The following DNAH11 variants were observed in gnomAD, a reference collection of about 807,000 sequenced individuals.
The protein encoded by DNAH11 is axonemal beta dynein heavy chain 11.
DNAH11 carries 442 observed loss-of-function variants against 526.0 expected under a neutral mutation model. The observed-to-expected ratio is 0.84, with a 90% CI of 0.78 to 0.91. The LOEUF (loss-of-function observed/expected upper bound fraction) is 0.91, where lower values mean the gene tolerates loss of function less well. DNAH11 is among the 40% of genes least tolerant of loss of function. The pLI is 0.00. For synonymous variants in DNAH11, 2,461 were observed against 1,935.9 expected, an observed-to-expected ratio of 1.27 and a Z score of -7.12; for missense variants, 6,989 against 5,448.7, an observed-to-expected ratio of 1.28 and a Z score of -8.90.
chr7:21,642,674 T>C lies in DNAH11; in HGVS notation c.4944+3609T>C, dbSNP rs143018107. 1.9e-3 allele frequency among the ~76,000 whole-genome samples: 294 copies of C among 152,256 alleles called. 1 individual carries two copies. The highest frequency in any genetic ancestry group is 6.6e-3 in the African/African-American group (273 of 41,562). The stretch of plus-strand genomic sequence containing the variant: ...TGTGGGTAGATAACTCATCTTGACA[T>C]CTTGTGAATGACTTGAATTTTCCAG... On this transcript the variant is annotated intron_variant, in intron 28 of 81. Coordinates refer to ENST00000409508, the MANE Select transcript of DNAH11 (RefSeq NM_001277115.2).
chr7:21,606,975 T>C (rs1785315876), intron 20 of DNAH11, among the ~76,000 whole-genome samples: 1 of 152,064 alleles, frequency 6.6e-6, no homozygotes, highest in South Asian at 2.1e-4. Context: ...GTAGGATAGA[T>C]GTATATAGGA....
At chr7:21,743,377 A>G (rs1274173076) in intron 49 of DNAH11, among the ~76,000 whole-genome samples, 1 of 152,230 alleles carries the variant, frequency 6.6e-6, no homozygotes. Context: ...GTAAAAGGAC[A>G]GTGTTTATGT....
intron 68 of DNAH11, among the ~76,000 whole-genome samples, chr7:21,861,231 C>T (rs1470479484): frequency 6.6e-6 from 1 of 152,212 alleles, no homozygotes; most frequent in African/African-American, 2.4e-5. Context: ...ATCCTAGTGA[C>T]ACTGGATTTA....
intron 54 of DNAH11, among the ~76,000 whole-genome samples, chr7:21,760,473 C>T (rs868010556): frequency 6.6e-6 from 1 of 152,290 alleles, no homozygotes; most frequent in Middle Eastern, 3.4e-3. Context: ...AGACTAGACT[C>T]TTAATAAGCA....
intron 34 of DNAH11, 57 bp downstream of exon 34, chr7:21,687,584 G>C: frequency 6.4e-7 from 1 of 1,567,480 alleles, no homozygotes; most frequent in East Asian, 2.3e-5. Flanking sequence ...AATAATGCAG[G>C]TAACCTCCCC....
At chr7:21,769,435 C>G (rs902637899) in intron 55 of DNAH11, among the ~76,000 whole-genome samples, 1 of 152,092 alleles carries the variant, frequency 6.6e-6, no homozygotes, top group East Asian at 1.9e-4. Flanking sequence ...ATCTCCTGTT[C>G]TGTCCTCTTG....
At chr7:21,738,140 T>TA (rs1402808873) in intron 46 of DNAH11, among the ~76,000 whole-genome samples, 4 of 152,122 alleles carry the variant, frequency 2.6e-5, no homozygotes, top group African/African-American at 9.7e-5. Context: ...CCCAGGACTT[T>TA]AAAAAAATAG....
At chr7:21,700,265 G>T (rs1320539721) in intron 36 of DNAH11, among the ~76,000 whole-genome samples, 2 of 152,176 alleles carry the variant, frequency 1.3e-5, no homozygotes, top group East Asian at 3.9e-4. Context: ...TGCTAACTCA[G>T]AAATGTCACA....
chr7:21,895,233 T>C (rs779869828), intron 79 of DNAH11, among the ~76,000 whole-genome samples: 5 of 152,240 alleles, frequency 3.3e-5, no homozygotes, highest in Non-Finnish European at 7.3e-5. Flanking sequence ...CGCTCACTCA[T>C]TGATACATGA....
chr7:21,658,542 G>A (rs1046594432), intron 29 of DNAH11, among the ~76,000 whole-genome samples: 1 of 152,080 alleles, frequency 6.6e-6, no homozygotes, highest in Non-Finnish European at 1.5e-5. Flanking sequence ...TTAGGCTGTG[G>A]AAAGTTGTTA....
intron 55 of DNAH11, among the ~76,000 whole-genome samples, chr7:21,773,019 T>C (rs1787506897): frequency 6.6e-6 from 1 of 152,190 alleles, no homozygotes; most frequent in Non-Finnish European, 1.5e-5. Flanking sequence ...ATTAATTGAT[T>C]TGTAGGCTTC....
At chr7:21,799,273 C>T (rs75762781) in intron 61 of DNAH11, among the ~76,000 whole-genome samples, 6,633 of 152,142 alleles carry the variant, frequency 0.044, 482 homozygotes, top group African/African-American at 0.15. Context: ...TGCTTCTGTG[C>T]TTGGTAAAAC....
intron 32 of DNAH11, among the ~76,000 whole-genome samples, chr7:21,685,122 G>GTTC: frequency 6.6e-6 from 1 of 152,306 alleles, no homozygotes; most frequent in East Asian, 1.9e-4. Context: ...GTCTAATTCA[G>GTTC]TTCTTCTAAC....
chr7:21,812,446 A>C (rs912525282), intron 63 of DNAH11, among the ~76,000 whole-genome samples: 4 of 152,000 alleles, frequency 2.6e-5, no homozygotes, highest in Non-Finnish European at 4.4e-5. Flanking sequence ...AGGCAAGAGG[A>C]TCTCTTGAGG....
rs750503068 is a variant in DNAH11, at chr7:21,786,645, G to A, written c.9619G>A (p.Ala3207Thr). Residue 3207 changes from alanine (A) to threonine (T), a missense_variant, in exon 59 of 82, where the codon GCC becomes ACC. Transcript: ENST00000409508. Reference sequence around the variant, plus strand: ...TCAGGTCAACCTCAGTGAGCTGAAAGCCTTTCCCAACCCTCCCATCGCAGT... The same window carrying A: ...TCAGGTCAACCTCAGTGAGCTGAAAACCTTTCCCAACCCTCCCATCGCAGT... The part of the protein sequence containing the change: ...LNRVNLSELK[A>T]FPNPPIAVTN... The A allele has an allele frequency of 1.5e-5, 25 of 1,613,164 alleles. No individual in the cohort carries two copies. In the East Asian group the frequency reaches 2.0e-4, roughly 13 times the overall value.
At position 21,892,428 on chromosome 7, in the gene DNAH11, G is replaced by A. The variant is rs1784356253; in HGVS notation, c.12511G>A (p.Glu4171Lys). The A allele has an allele frequency of 6.2e-7, 1 of 1,609,206 alleles. No individual in the cohort carries two copies. The highest frequency in any genetic ancestry group is 1.3e-5 in the African/African-American group (1 of 74,972). ...GACTTTTCCTTTGTGGTTCAAGACT[G>A]AAGATGAACTGATGCTGGCACCAGG... ...LEEFMNPSLT[E>K]DELMLAPGFA... is the part of the protein sequence containing the mutation. The change falls in exon 77 of 82, where the codon GAA becomes AAA. Residue 4171 changes from glutamate (E) to lysine (K), a missense_variant. Coordinates refer to ENST00000409508, the MANE Select transcript of DNAH11 (RefSeq NM_001277115.2).
At position 21,734,581 on chromosome 7, in the gene DNAH11, C is replaced by A. The variant is rs540683769; in HGVS notation, c.7441-1059C>A. ...TGTATAAAATATTCAGTTGAGTCAA[C>A]CATGGTGGCTCACACCTGTGATCCT... On this transcript the variant is annotated intron_variant, in intron 45 of 81. Coordinates refer to ENST00000409508, the MANE Select transcript of DNAH11 (RefSeq NM_001277115.2). Among the ~76,000 whole-genome samples, 3 of 152,272 alleles carry A rather than the reference C, an allele frequency of 2.0e-5. No homozygotes were observed. The East Asian group carries it at 5.8e-4, about 29-fold the overall frequency.
intron 73 of DNAH11, among the ~76,000 whole-genome samples, chr7:21,869,762 C>T (rs982481642): frequency 6.6e-6 from 1 of 152,220 alleles, no homozygotes; most frequent in Non-Finnish European, 1.5e-5. Flanking sequence ...GTAACATTCC[C>T]TTTGATTGTA....
At chr7:21,734,962 G>C (rs1411466371) in intron 45 of DNAH11, among the ~76,000 whole-genome samples, 1 of 151,974 alleles carries the variant, frequency 6.6e-6, no homozygotes, top group Non-Finnish European at 1.5e-5. Flanking sequence ...ACAAGGTCAG[G>C]AGATCGAGAC....
Sources: gnomAD v4.1 joint callset for allele counts (sites outside exome capture counted in the v4.1 genomes callset) on GRCh38, gnomAD v4.1.1 for gene constraint, MANE v1.5 for transcripts, NCBI Gene and HGNC (gene_info 2026-07-23, HGNC 2026-07-21) for gene names.